Variants in NCOA1 observed in about 807,000 individuals in gnomAD.
NCOA1 encodes nuclear receptor coactivator 1, also known as Hin-2 protein.
NCOA1 carries 35 observed loss-of-function variants against 150.9 expected under a neutral mutation model. The observed-to-expected ratio is 0.23, with a 90% confidence interval of 0.18 to 0.31. The LOEUF is 0.31. Ranked by LOEUF, NCOA1 falls within the 10% of genes least tolerant of loss-of-function variation. The pLI is 1.00. For synonymous variants in NCOA1, 590 were observed against 630.0 expected (o/e 0.94, Z 0.95); for missense variants, 1,491 against 1,749.3 (o/e 0.85, Z 2.63).
intron 11 of NCOA1, among the ~76,000 whole-genome samples, chr2:24,699,711 C>G (rs1454846253): frequency 6.6e-6 from 1 of 152,138 alleles, no homozygotes; most frequent in East Asian, 1.9e-4. Context: ...TTGATATTTT[C>G]TATTCAGCAG....
At chr2:24,682,556 A>G (rs1474317779) in intron 7 of NCOA1, among the ~76,000 whole-genome samples, 2 of 152,068 alleles carry the variant, frequency 1.3e-5, no homozygotes, top group East Asian at 1.9e-4. Context: ...GCCTTGTACC[A>G]TATACTCCAG....
intron 17 of NCOA1, among the ~76,000 whole-genome samples, chr2:24,734,051 G>A (rs926157725): frequency 2.0e-5 from 3 of 151,448 alleles, no homozygotes; most frequent in Non-Finnish European, 2.9e-5. Context: ...TGGGTGTGGT[G>A]GCGTGTTCCC....
chr2:24,717,107 A>G (rs1166572236), intron 14 of NCOA1, among the ~76,000 whole-genome samples: 1 of 152,200 alleles, frequency 6.6e-6, no homozygotes, highest in East Asian at 1.9e-4. Flanking sequence ...TTAAAACAAC[A>G]ATATGCTGGC....
intron 3 of NCOA1, among the ~76,000 whole-genome samples, chr2:24,615,385 C>T (rs141554461): frequency 6.6e-6 from 1 of 152,188 alleles, no homozygotes; most frequent in African/African-American, 2.4e-5. Flanking sequence ...ACTATTTTTA[C>T]TTCATGGGGT....
intron 20 of NCOA1, among the ~76,000 whole-genome samples, chr2:24,756,014 A>C (rs1447972588): frequency 6.7e-6 from 1 of 148,572 alleles, no homozygotes; most frequent in African/African-American, 2.5e-5. Flanking sequence ...CAGGTTGATC[A>C]TCTGAGGTCA....
At chr2:24,530,009 T>G (rs1355722692) in intron 1 of NCOA1, among the ~76,000 whole-genome samples, 2 of 152,234 alleles carry the variant, frequency 1.3e-5, no homozygotes, top group Non-Finnish European at 1.5e-5. Context: ...TCTCTACTAC[T>G]TCTTAGAAAT....
In NCOA1 at chr2:24,744,370, A is replaced by G. The variant is rs141040218; in HGVS notation, c.3706+2184A>G. 4.0e-3 allele frequency among the ~76,000 whole-genome samples: 603 copies of G among 152,380 alleles called. 1 individual carries two copies. The highest frequency in any genetic ancestry group is 7.6e-3 in the Admixed American group (117 of 15,312). On this transcript the variant is annotated intron_variant, in intron 19 of 22. Transcript: ENST00000348332. ...CAGTTGCAAACTGAAATGAAATGGCAGGGCTGTCAGTTCTTCCATGGACTG... is the reference window on the plus strand; with the variant it reads ...CAGTTGCAAACTGAAATGAAATGGCGGGGCTGTCAGTTCTTCCATGGACTG...
intron 5 of NCOA1, 132 bp downstream of exon 5, chr2:24,658,898 T>G (rs907026969): frequency 2.6e-6 from 2 of 780,150 alleles, no homozygotes; most frequent in African/African-American, 3.5e-5. Flanking sequence ...CATGTTGTCT[T>G]CCTTCCCCCA....
chr2:24,768,481 A>C lies in NCOA1; in HGVS notation c.*90A>C. The C allele has an allele frequency of 1.4e-6, 1 of 723,644 alleles. No homozygotes were observed. The allele number at this position is 723,644 out of a possible 1,614,324, so 44.8% of individuals were successfully genotyped here. On this transcript the variant is annotated 3_prime_UTR_variant, in exon 23 of 23. Transcript: ENST00000348332. ...TTTTTCTGAGATTTTTGATATCTCA[A>C]TCTGCAGCCATTCTTCAGGTCGTAG...
At chr2:24,722,989 C>CA (rs5829932) in intron 14 of NCOA1, among the ~76,000 whole-genome samples, 3,158 of 89,972 alleles carry the variant, frequency 0.035, 213 homozygotes, top group Non-Finnish European at 0.04. Flanking sequence ...ACCCTGTCTC[C>CA]AAAAAAAAAA....
intron 1 of NCOA1, among the ~76,000 whole-genome samples, chr2:24,493,738 A>C (rs1326163010): frequency 1.3e-5 from 2 of 152,180 alleles, no homozygotes; most frequent in Admixed American, 1.3e-4. Context: ...TTTCATTTCT[A>C]GAAATCTGGG....
chr2:24,654,715 A>G (rs138957474), intron 4 of NCOA1, among the ~76,000 whole-genome samples: 2 of 152,254 alleles, frequency 1.3e-5, no homozygotes, highest in African/African-American at 4.8e-5. Flanking sequence ...CTTACATGGT[A>G]TAGCCTCCTA....
chr2:24,502,770 G>A (rs888853056), intron 1 of NCOA1, among the ~76,000 whole-genome samples: 2 of 152,000 alleles, frequency 1.3e-5, no homozygotes, highest in Non-Finnish European at 2.9e-5. Context: ...CCTTAATCTA[G>A]TCTATGCTTT....
At chr2:24,713,808 C>G (rs1417569369) in intron 14 of NCOA1, among the ~76,000 whole-genome samples, 1 of 152,016 alleles carries the variant, frequency 6.6e-6, no homozygotes, top group Non-Finnish European at 1.5e-5. Context: ...TACTAAACTC[C>G]GAAAATAGTG....
At chr2:24,492,213 A>G (rs1382999660) in intron 1 of NCOA1, 2 of 151,690 alleles carry the variant, frequency 1.3e-5, no homozygotes, top group Admixed American at 6.6e-5. Context: ...GATACTGGAC[A>G]TGTTCCTGTC....
At chr2:24,629,883 GC>G (rs1350432755) in intron 3 of NCOA1, among the ~76,000 whole-genome samples, 1 of 126,688 alleles carries the variant, frequency 7.9e-6, no homozygotes, top group Non-Finnish European at 1.6e-5. Context: ...TCGCTTTGTC[GC>G]CCACGCTGGA....
chr2:24,690,651 CAAAAAAAAAA>C (rs70947837), intron 8 of NCOA1, among the ~76,000 whole-genome samples: 17 of 38,434 alleles, frequency 4.4e-4, no homozygotes, highest in South Asian at 1.8e-3. Context: ...GATTCCATCT[CAAAAAAAAAA>C]AAAAAAAAAA....
At chr2:24,714,091 G>T (rs747459255) in intron 14 of NCOA1, among the ~76,000 whole-genome samples, 4 of 152,080 alleles carry the variant, frequency 2.6e-5, no homozygotes, top group Admixed American at 6.6e-5. Context: ...AATCAGAGTC[G>T]GTAGACCTTC....
intron 1 of NCOA1, among the ~76,000 whole-genome samples, chr2:24,550,062 C>T (rs1419311763): frequency 6.6e-6 from 1 of 152,180 alleles, no homozygotes; most frequent in Non-Finnish European, 1.5e-5. Flanking sequence ...ACAACTTCCT[C>T]CTCTCCATTT....
Sources: gnomAD v4.1 joint callset for allele counts (sites outside exome capture counted in the v4.1 genomes callset) on GRCh38, gnomAD v4.1.1 for gene constraint, MANE v1.5 for transcripts, NCBI Gene and HGNC (gene_info 2026-07-23, HGNC 2026-07-21) for gene names.